The following LEPR variants were observed in gnomAD, a reference collection of about 807,000 sequenced individuals.
LEPR encodes the protein OB receptor.
A neutral mutation model predicts 114.7 loss-of-function variants in LEPR; 56 were observed. The observed-to-expected ratio is 0.49, with a 90% CI of 0.39 to 0.61. The LOEUF (loss-of-function observed/expected upper bound fraction) is 0.61. Ranked by LOEUF, LEPR falls within the 20% of genes least tolerant of loss-of-function variation. The pLI is 0.00. For synonymous variants in LEPR, 443 were observed against 461.4 expected (o/e 0.96, Z 0.51); for missense variants, 1,202 against 1,352.9 (o/e 0.89, Z 1.75).
chr1:65,547,267 TC>T lies in LEPR; in HGVS notation c.-20-18278del, dbSNP rs951533348. On this transcript the variant is annotated intron_variant, in intron 2 of 19. Coordinates refer to ENST00000349533, the MANE Select transcript of LEPR (RefSeq NM_002303.6). The stretch of plus-strand genomic sequence containing the variant: ...CTTCAAGGATATTGGTCTAAAATTC[TC>T]TTTTTTGGTTGTGTCTCTGCCTGGC... Among the ~76,000 whole-genome samples the T allele has an allele frequency of 2.2e-4, 34 of 152,344 alleles. 1 individual carries two copies. The highest frequency in any genetic ancestry group is 7.9e-4 in the African/African-American group (33 of 41,578).
rs532666750 is a variant in LEPR at position 65,572,902 on chromosome 1, G to A, written c.494+453G>A. ...TCTGTTTTGACTGCTTGGGCCAGCT[G>A]CTCCTATGCACAGCTGCACGGCTGG... is the stretch of plus-strand genomic sequence containing the variant. On this transcript the variant is annotated intron_variant, in intron 5 of 19. Transcript: ENST00000349533. Among the ~76,000 whole-genome samples, 3 of 152,290 alleles carry A rather than the reference G, an allele frequency of 2.0e-5. 1 individual carries two copies. In the South Asian group the frequency reaches 6.2e-4, roughly 32 times the overall value.
chr1:65,468,403 A>G (rs1177529967), intron 2 of LEPR, among the ~76,000 whole-genome samples: 1 of 152,250 alleles, frequency 6.6e-6, no homozygotes, highest in African/African-American at 2.4e-5. Context: ...TATGTGGTAT[A>G]GTTATACGAG....
At chr1:65,565,656 T>A in intron 3 of LEPR, 51 bp downstream of exon 3, 1 of 1,607,398 alleles carries the variant, frequency 6.2e-7, no homozygotes, top group African/African-American at 1.3e-5. Flanking sequence ...ATGGTAGAGA[T>A]TTTGCCTTTA....
chr1:65,528,158 C>G (rs1185763998), intron 2 of LEPR, among the ~76,000 whole-genome samples: 1 of 79,188 alleles, frequency 1.3e-5, no homozygotes, highest in Non-Finnish European at 2.8e-5. Flanking sequence ...CTAAAAGTAT[C>G]CAGAAAAAAA....
chr1:65,603,828 G>A (rs937977172), intron 10 of LEPR, among the ~76,000 whole-genome samples: 14 of 151,756 alleles, frequency 9.2e-5, no homozygotes, highest in African/African-American at 3.4e-4. Context: ...GTTCTGAGGT[G>A]GAGTGTTGGC....
At chr1:65,475,420 G>C (rs576238263) in intron 2 of LEPR, among the ~76,000 whole-genome samples, 2 of 151,978 alleles carry the variant, frequency 1.3e-5, no homozygotes, top group East Asian at 3.9e-4. Flanking sequence ...CTTTTTGCAG[G>C]AATTTGGATG....
chr1:65,555,513 T>C (rs935947463), intron 2 of LEPR, among the ~76,000 whole-genome samples: 3 of 152,196 alleles, frequency 2.0e-5, no homozygotes, highest in Non-Finnish European at 4.4e-5. Flanking sequence ...TATTAAACTG[T>C]TATTTTTAAT....
intron 4 of LEPR, 146 bp from the exon 5 acceptor site, chr1:65,572,180 C>CT: frequency 8.8e-7 from 1 of 1,134,418 alleles, no homozygotes. Flanking sequence ...AAAGCTTGTT[C>CT]TTTTTCTCTC....
At chr1:65,514,312 C>T (rs555325014) in intron 2 of LEPR, among the ~76,000 whole-genome samples, 11 of 152,164 alleles carry the variant, frequency 7.2e-5, no homozygotes, top group Non-Finnish European at 1.5e-4. Context: ...ATGAGTTACA[C>T]GTTGAGCAAT....
intron 2 of LEPR, chr1:65,432,009 A>G: frequency 6.7e-7 from 1 of 1,484,406 alleles, no homozygotes; most frequent in South Asian, 1.4e-5. Context: ...ATGAAATTTA[A>G]TATGCTGGGT....
At chr1:65,448,231 G>T (rs145930132) in intron 2 of LEPR, among the ~76,000 whole-genome samples, 16 of 152,260 alleles carry the variant, frequency 1.1e-4, no homozygotes, top group African/African-American at 3.9e-4. Context: ...TATCATGAAT[G>T]TGTGTTGGAG....
At chr1:65,470,349 A>G (rs2100411580) in intron 2 of LEPR, among the ~76,000 whole-genome samples, 1 of 152,346 alleles carries the variant, frequency 6.6e-6, no homozygotes, top group South Asian at 2.1e-4. Flanking sequence ...ATTGGCAGCT[A>G]CGTATTTTAA....
At chr1:65,575,252 T>G (rs1654501248) in intron 5 of LEPR, among the ~76,000 whole-genome samples, 1 of 151,826 alleles carries the variant, frequency 6.6e-6, no homozygotes, top group Non-Finnish European at 1.5e-5. Flanking sequence ...GAACTATGGT[T>G]TGCAGAGTTC....
At chr1:65,613,011 A>G (rs558111307) in intron 14 of LEPR, among the ~76,000 whole-genome samples, 2 of 152,310 alleles carry the variant, frequency 1.3e-5, no homozygotes, top group East Asian at 3.9e-4. Context: ...CCCATGCTTA[A>G]GGAGTAGGAG....
chr1:65,570,778 A>G lies in LEPR; in HGVS notation c.346A>G (p.Asn116Asp). Residue 116 changes from asparagine (N) to aspartate (D), a missense_variant, in exon 4 of 20, where the codon AAT becomes GAT. Asn to Asp is a conservative substitution (Grantham distance 23, BLOSUM62 1). Coordinates refer to ENST00000349533, the MANE Select transcript of LEPR (RefSeq NM_002303.6). ...IEGKTFVSTV[N>D]SLVFQQIDAN... ...AGGAAAGACATTTGTTTCAACAGTA[A>G]ATTCTTTAGTTTTTCAACAAATAGG... The G allele has an allele frequency of 6.4e-7, 1 of 1,563,012 alleles. No homozygotes were observed. The highest frequency in any genetic ancestry group is 1.4e-5 in the African/African-American group (1 of 73,090).
chr1:65,505,964 A>G (rs1463867172), intron 2 of LEPR, among the ~76,000 whole-genome samples: 1 of 152,164 alleles, frequency 6.6e-6, no homozygotes, highest in Non-Finnish European at 1.5e-5. Context: ...GGCCTTAAAA[A>G]TGTTCTTTGT....
rs1649711330 is a variant in LEPR at position 65,522,998 on chromosome 1, T to C, written c.-20-42548T>C. Among the ~76,000 whole-genome samples, 3 of 152,366 alleles carry C rather than the reference T, an allele frequency of 2.0e-5. No homozygotes were observed. In the South Asian group the frequency reaches 6.2e-4, roughly 32 times the overall value. On this transcript the variant is annotated intron_variant, in intron 2 of 19. Coordinates refer to ENST00000349533, the MANE Select transcript of LEPR (RefSeq NM_002303.6). ...TTACTCATGTATTCATTCACAGTTCTTTATCAGGCTTCAGGTATGTACCCA... is the reference window on the plus strand; with the variant it reads ...TTACTCATGTATTCATTCACAGTTCCTTATCAGGCTTCAGGTATGTACCCA...
chr1:65,611,370 C>T (rs1226854813), intron 14 of LEPR, among the ~76,000 whole-genome samples: 9 of 152,136 alleles, frequency 5.9e-5, no homozygotes, highest in African/African-American at 1.4e-4. Context: ...TTGAACCCAC[C>T]GCGGAAGGGG....
At chr1:65,525,288 C>T (rs1227677233) in intron 2 of LEPR, among the ~76,000 whole-genome samples, 1 of 106,496 alleles carries the variant, frequency 9.4e-6, no homozygotes, top group Non-Finnish European at 1.9e-5. Context: ...GTGGGAGGGA[C>T]GGGGGAACCC....
Sources: allele counts gnomAD v4.1 joint callset (sites outside exome capture counted in the v4.1 genomes callset), GRCh38; gene constraint gnomAD v4.1.1; transcripts MANE v1.5; gene names NCBI Gene and HGNC (gene_info 2026-07-23, HGNC 2026-07-21).